TMEM184A: variants seen among roughly 807,000 people sequenced by gnomAD.
TMEM184A encodes transmembrane protein 184A.
TMEM184A carries 40 observed loss-of-function variants against 39.5 expected under a neutral mutation model. The ratio of observed to expected loss-of-function variants is 1.01; its 90% CI spans 0.79 to 1.32. The LOEUF (loss-of-function observed/expected upper bound fraction) is 1.32, where lower values mean the gene tolerates loss of function less well. TMEM184A is among the 40% of genes most tolerant of loss of function. TMEM184A has a pLI of 0.00. For synonymous variants in TMEM184A, 280 were observed against 252.3 expected, an observed-to-expected ratio of 1.11 and a Z score of -1.04; for missense variants, 603 against 568.8, an observed-to-expected ratio of 1.06 and a Z score of -0.61.
chr7:1,550,904 A>G lies in TMEM184A; in HGVS notation c.298T>C (p.Tyr100His). 4 of 1,613,852 alleles carry G rather than the reference A, an allele frequency of 2.5e-6. No homozygotes were observed. The South Asian group carries it at 4.4e-5, about 18-fold the overall frequency. ...AGGCTGAGCCAGGAGTCGAAGGCGTAGATGGGCACGATGAGGAGCAGGCGG... is the reference window on the plus strand; with the variant it reads ...AGGCTGAGCCAGGAGTCGAAGGCGTGGATGGGCACGATGAGGAGCAGGCGG... ...IIRLLLIVPI[Y>H]AFDSWLSLLL... Residue 100 changes from tyrosine to histidine, a missense_variant, in exon 3 of 9, where the codon TAC becomes CAC. By Grantham distance (83) the Tyr-to-His change is moderately conservative. Coordinates refer to ENST00000297477, the MANE Select transcript of TMEM184A (RefSeq NM_001097620.2).
intron 2 of TMEM184A, among the ~76,000 whole-genome samples, chr7:1,552,493 C>T (rs971038931): frequency 6.6e-6 from 1 of 150,818 alleles, no homozygotes; most frequent in East Asian, 1.9e-4. Flanking sequence ...TAACAGTCAC[C>T]ATGTTGTACA....
At chr7:1,548,956 T>C (rs1313887318) in intron 6 of TMEM184A, 2 of 622,998 alleles carry the variant, frequency 3.2e-6, no homozygotes, top group Admixed American at 2.1e-5. Context: ...CCCAGGATCC[T>C]GTCCACTGCT....
intron 6 of TMEM184A, 31 bp from the exon 7 acceptor site, chr7:1,548,719 G>C (rs759971899): frequency 6.3e-7 from 1 of 1,578,518 alleles, no homozygotes; most frequent in East Asian, 2.3e-5. Context: ...GGTCAGGGCG[G>C]TCCCATGACC....
At chr7:1,549,509 G>T in intron 6 of TMEM184A, 1 of 486,456 alleles carries the variant, frequency 2.1e-6, no homozygotes, top group Non-Finnish European at 4.2e-6. Flanking sequence ...AAGCCCTGGG[G>T]TCCTCGGCGC....
At chr7:1,548,859 C>T (rs989943293) in intron 6 of TMEM184A, 171 bp from the exon 7 acceptor site, 44 of 844,880 alleles carry the variant, frequency 5.2e-5, no homozygotes, top group Non-Finnish European at 5.8e-6. Context: ...TGCAGGAGAG[C>T]GTGGGGAGCT....
chr7:1,548,517 A>G lies in TMEM184A; in HGVS notation c.814+2T>C. On this transcript the variant is annotated splice_donor_variant, in intron 7 of 8. Transcript: ENST00000297477. LOFTEE classifies it high-confidence loss of function. ...CACCCCTGCCCCACCTGCCCCACAC[A>G]CCTTGCCAGAACGACAGGAAGATGA... 1 of 1,611,332 alleles carries G rather than the reference A, an allele frequency of 6.2e-7. No individual in the cohort carries two copies. The highest frequency in any genetic ancestry group is 8.5e-7 in the Non-Finnish European group (1 of 1,178,788).
At chr7:1,551,824 C>A (rs1784612693) in intron 2 of TMEM184A, among the ~76,000 whole-genome samples, 1 of 151,994 alleles carries the variant, frequency 6.6e-6, no homozygotes, top group Admixed American at 6.5e-5. Flanking sequence ...GTAATCCCAG[C>A]TACTAGAGAG....
chr7:1,553,801 T>C (rs1318700063), intron 2 of TMEM184A, among the ~76,000 whole-genome samples: 2 of 151,966 alleles, frequency 1.3e-5, no homozygotes, highest in Non-Finnish European at 2.9e-5. Flanking sequence ...TCCTCCCATG[T>C]ATAAAGTGAG....
rs942642757 is a variant in TMEM184A, at chr7:1,542,495, G to C, written c.*4457C>G. 6.6e-6 allele frequency: 1 copy of C among 152,338 alleles called. No individual in the cohort carries two copies. The highest frequency in any genetic ancestry group is 1.5e-5 in the Non-Finnish European group (1 of 68,092). The allele number at this position is 152,338 out of a possible 1,614,324, so 9.4% of individuals were successfully genotyped here. A position where few individuals can be genotyped will look rare whatever the true frequency, so the allele number is the denominator to read the frequency against. On this transcript the variant is annotated 3_prime_UTR_variant, in exon 9 of 9. Transcript: ENST00000297477. ...TTGGGGTTCTTGGTGTCCACGTCTTGTGGGCCGTGGGCTTCTACCTGCCCT... is the reference window on the plus strand; with the variant it reads ...TTGGGGTTCTTGGTGTCCACGTCTTCTGGGCCGTGGGCTTCTACCTGCCCT...
intron 2 of TMEM184A, among the ~76,000 whole-genome samples, chr7:1,554,372 G>A (rs1385566159): frequency 5.3e-5 from 8 of 152,168 alleles, no homozygotes; most frequent in East Asian, 3.9e-4. Flanking sequence ...CCGTGCACCC[G>A]GGAAGCAGCT....
chr7:1,553,749 G>T (rs1012828989), intron 2 of TMEM184A, among the ~76,000 whole-genome samples: 3 of 152,158 alleles, frequency 2.0e-5, no homozygotes, highest in Non-Finnish European at 4.4e-5. Flanking sequence ...GGCGCTGCCT[G>T]GCTGGGTGAC....
intron 2 of TMEM184A, among the ~76,000 whole-genome samples, chr7:1,551,967 T>A (rs189252247): frequency 6.7e-6 from 1 of 149,288 alleles, no homozygotes; most frequent in East Asian, 2.1e-4. Context: ...TTGAGAAACA[T>A]GGTCTCGCTC....
At chr7:1,550,023 T>A in intron 5 of TMEM184A, 78 bp from the exon 6 acceptor site, 1 of 1,577,144 alleles carries the variant, frequency 6.3e-7, no homozygotes, top group Non-Finnish European at 8.6e-7. Flanking sequence ...CAGCCAGCAA[T>A]GAGCAGCCCC....
rs966139402 is a variant in TMEM184A, at chr7:1,544,244, G to C, written c.*2708C>G. The C allele has an allele frequency of 6.6e-6, 1 of 152,226 alleles. No homozygotes were observed. Among genetic ancestry groups the C allele is most frequent in the Non-Finnish European group, 1.5e-5 (1 of 68,052 alleles). The allele number at this position is 152,226 out of a possible 1,614,324, so 9.4% of individuals were successfully genotyped here. A position where few individuals can be genotyped will look rare whatever the true frequency, so the allele number is the denominator to read the frequency against. On this transcript the variant is annotated 3_prime_UTR_variant, in exon 9 of 9. Coordinates refer to ENST00000297477, the MANE Select transcript of TMEM184A (RefSeq NM_001097620.2). ...GCCCTGTGTGGGGCTCCTGGAGGCT[G>C]CGGACAGACGGGGAAGCTGTGAAAG...
At chr7:1,554,286 C>T (rs745728023) in intron 2 of TMEM184A, among the ~76,000 whole-genome samples, 29 of 152,302 alleles carry the variant, frequency 1.9e-4, no homozygotes, top group Admixed American at 7.8e-4. Context: ...TTGTGGCCAC[C>T]GGTGTCCCTG....
At chr7:1,554,501 G>A (rs569064657) in intron 2 of TMEM184A, among the ~76,000 whole-genome samples, 1 of 152,166 alleles carries the variant, frequency 6.6e-6, no homozygotes, top group Non-Finnish European at 1.5e-5. Flanking sequence ...GCCCTCGCGG[G>A]CCTACACACG....
In TMEM184A at chr7:1,545,192, C is replaced by A. The variant is rs1189922039; in HGVS notation, c.*1760G>T. On this transcript the variant is annotated 3_prime_UTR_variant, in exon 9 of 9. Transcript: ENST00000297477. ...CTGGGGACCTGCTGACAGAGTGAGA[C>A]ACGGGGGCCGCCTGGTGGGTCTATT... 6.6e-6 allele frequency: 1 copy of A among 152,244 alleles called. No individual in the cohort carries two copies. Among genetic ancestry groups the A allele is most frequent in the Non-Finnish European group, 1.5e-5 (1 of 68,062 alleles). 9.4% of individuals were successfully genotyped at this position (152,244 alleles called of 1,614,324 possible).
chr7:1,549,760 TG>T, intron 6 of TMEM184A, 93 bp downstream of exon 6: 1 of 1,172,056 alleles, frequency 8.5e-7, no homozygotes, highest in Non-Finnish European at 1.2e-6. Context: ...TGAGCCCAGC[TG>T]GACGCCAAGT....
In TMEM184A at chr7:1,550,805, C is replaced by T; in HGVS notation, c.385+12G>A. Reference sequence around the variant, plus strand: ...CCTCCGCTCCCCCGACCTGACGCAGCCTGGCGCCCACCTTCGTAGCAGTCC... The same window carrying T: ...CCTCCGCTCCCCCGACCTGACGCAGTCTGGCGCCCACCTTCGTAGCAGTCC... On this transcript the variant is annotated intron_variant, in intron 3 of 8. Transcript: ENST00000297477. 6.2e-7 allele frequency: 1 copy of T among 1,611,834 alleles called. No individual in the cohort carries two copies. Among genetic ancestry groups the T allele is most frequent in the South Asian group, 1.1e-5 (1 of 91,070 alleles).
Sources: allele counts gnomAD v4.1 joint callset (sites outside exome capture counted in the v4.1 genomes callset), GRCh38; gene constraint gnomAD v4.1.1; transcripts MANE v1.5; gene names NCBI Gene and HGNC (gene_info 2026-07-23, HGNC 2026-07-21).